Variants in CLEC4M observed in about 807,000 individuals in gnomAD.
CLEC4M encodes the protein C-type lectin domain family 4 member M, also known as CD209 antigen-like protein 1.
In CLEC4M, 25 loss-of-function variants were observed where a neutral mutation model predicts 39.1. The observed-to-expected ratio is 0.64, with a 90% CI of 0.47 to 0.89. The LOEUF (loss-of-function observed/expected upper bound fraction) is 0.89, where lower values mean the gene tolerates loss of function less well. CLEC4M is among the 40% of genes least tolerant of loss of function. The probability of loss-of-function intolerance (pLI) is 0.00; values close to 1 mark genes in which losing one functional copy is unlikely to be tolerated. For missense variants in CLEC4M, 353 were observed against 431.4 expected, an observed-to-expected ratio of 0.82 and a Z score of 1.61; for synonymous variants, 155 against 177.4, an observed-to-expected ratio of 0.87 and a Z score of 1.00.
At chr19:7,765,101 G>A in intron 2 of CLEC4M, 84 bp from the exon 3 acceptor site, 3 of 1,460,148 alleles carry the variant, frequency 2.1e-6, no homozygotes, top group Non-Finnish European at 2.9e-6. Flanking sequence ...CTGGGTCCTG[G>A]GGTGCTGAGG....
rs2034431113 is a variant in CLEC4M, at chr19:7,769,604, C to T, written c.*616C>T. ...AATAAAGTGGTAAATGTTGTAACTG[C>T]AGATCCAGCCTCATCTGATTCAACT... On this transcript the variant is annotated 3_prime_UTR_variant, in exon 7 of 7. Coordinates refer to ENST00000327325, the MANE Select transcript of CLEC4M (RefSeq NM_014257.5). 6.6e-6 allele frequency: 1 copy of T among 152,356 alleles called. No homozygotes were observed. Among genetic ancestry groups the T allele is most frequent in the South Asian group, 2.1e-4 (1 of 4,838 alleles). 9.4% of individuals were successfully genotyped at this position (152,356 alleles called of 1,614,324 possible). A position where few individuals can be genotyped will look rare whatever the true frequency, so the allele number is the denominator to read the frequency against.
chr19:7,767,211 A>G (rs1232623902), intron 5 of CLEC4M: 8 of 434,686 alleles, frequency 1.8e-5, no homozygotes, highest in South Asian at 7.7e-5. Context: ...AGTGGGTCCA[A>G]TGTGGCTCCA....
chr19:7,767,067 G>A (rs560634), intron 5 of CLEC4M: 36 of 563,904 alleles, frequency 6.4e-5, no homozygotes, highest in African/African-American at 1.5e-4. Context: ...CCAGCTCTCC[G>A]GAGAGAAAAT....
Position 7,768,995 on chromosome 19 carries a change from C to G in CLEC4M, c.*7C>G. 1 of 1,613,242 alleles carries G rather than the reference C, an allele frequency of 6.2e-7. No homozygotes were observed. Among genetic ancestry groups the G allele is most frequent in the South Asian group, 1.1e-5 (1 of 90,980 alleles). On this transcript the variant is annotated 3_prime_UTR_variant, in exon 7 of 7. Transcript: ENST00000327325. ...CTGCTTCAGAGACGAATAGTTGTTT[C>G]CCTGCTAGCCTCAGCCTCCATTGTG...
rs773762465 is a variant in CLEC4M at position 7,766,647 on chromosome 19, C to G, written c.785-9C>G. ...TCTGAGCCCAGCCCTGACCAGCCTC[C>G]CCCAACAGAACGCCTGTGCCGCCAC... On this transcript the variant is annotated splice_polypyrimidine_tract_variant and intron_variant, in intron 4 of 6. Coordinates refer to ENST00000327325, the MANE Select transcript of CLEC4M (RefSeq NM_014257.5). The G allele has an allele frequency of 6.2e-7, 1 of 1,614,216 alleles. No individual in the cohort carries two copies. The highest frequency in any genetic ancestry group is 8.5e-7 in the Non-Finnish European group (1 of 1,180,018).
At position 7,769,055 on chromosome 19, in the gene CLEC4M, C is replaced by T. The variant is rs2146366710; in HGVS notation, c.*67C>T. 2 of 1,485,362 alleles carry T rather than the reference C, an allele frequency of 1.3e-6. No homozygotes were observed. Among genetic ancestry groups the T allele is most frequent in the Non-Finnish European group, 1.8e-6 (2 of 1,098,670 alleles). 92.0% of individuals were successfully genotyped at this position (1,485,362 alleles called of 1,614,324 possible). A position where few individuals can be genotyped will look rare whatever the true frequency, so the allele number is the denominator to read the frequency against. ...AACTTCACCCACTTGTAAGCCAGCG[C>T]TTCTTCTCTCCATCCTTGGACCTTC... On this transcript the variant is annotated 3_prime_UTR_variant, in exon 7 of 7. Coordinates refer to ENST00000327325, the MANE Select transcript of CLEC4M (RefSeq NM_014257.5).
Position 7,769,053 on chromosome 19 carries a change from C to G in CLEC4M, c.*65C>G. 6.6e-7 allele frequency: 1 copy of G among 1,525,208 alleles called. No individual in the cohort carries two copies. The highest frequency in any genetic ancestry group is 9.0e-7 in the Non-Finnish European group (1 of 1,113,710). 94.5% of individuals were successfully genotyped at this position (1,525,208 alleles called of 1,614,324 possible). A position where few individuals can be genotyped will look rare whatever the true frequency, so the allele number is the denominator to read the frequency against. The stretch of plus-strand genomic sequence containing the variant: ...AGAACTTCACCCACTTGTAAGCCAG[C>G]GCTTCTTCTCTCCATCCTTGGACCT... On this transcript the variant is annotated 3_prime_UTR_variant, in exon 7 of 7. Transcript: ENST00000327325.
intron 3 of CLEC4M, 150 bp from the exon 4 acceptor site, chr19:7,765,488 G>A: frequency 7.4e-6 from 10 of 1,353,468 alleles, no homozygotes; most frequent in Middle Eastern, 1.9e-4. Flanking sequence ...GGCCTTCTGT[G>A]CTGCCTTCTC....
chr19:7,767,276 A>G, intron 5 of CLEC4M: 1 of 511,150 alleles, frequency 2.0e-6, no homozygotes, highest in Non-Finnish European at 3.5e-6. Flanking sequence ...ATAGATAAAC[A>G]TGCAGCATTC....
chr19:7,766,516 G>A, intron 4 of CLEC4M, 140 bp from the exon 5 acceptor site: 2 of 1,515,130 alleles, frequency 1.3e-6, no homozygotes, highest in Non-Finnish European at 1.8e-6. Context: ...GGAGAGGAAT[G>A]GTCTCTCCCC....
At chr19:7,767,388 G>A in intron 5 of CLEC4M, 128 bp from the exon 6 acceptor site, 1 of 664,374 alleles carries the variant, frequency 1.5e-6, no homozygotes, top group East Asian at 2.7e-5. Flanking sequence ...ACATGAGGAG[G>A]CTCAGGACCT....
Position 7,766,132 on chromosome 19 carries a change from G to T in CLEC4M, c.709G>T (p.Ala237Ser). 1 of 1,613,976 alleles carries T rather than the reference G, an allele frequency of 6.2e-7. No homozygotes were observed. Among genetic ancestry groups the T allele is most frequent in the Non-Finnish European group, 8.5e-7 (1 of 1,179,906 alleles). ...IYQELTQLKA[A>S]VGELPDQSKQ... ...CCAGGAGCTGACCCAGCTGAAGGCT[G>T]CAGTGGGTGAGTTGCCAGACCAGTC... Residue 237 changes from alanine to serine, a missense_variant, in exon 4 of 7, where the codon GCA (alanine) becomes TCA (serine). By Grantham distance (99) the Ala-to-Ser change is moderately conservative (BLOSUM62 1). Transcript: ENST00000327325.
In CLEC4M at chr19:7,767,505, C is replaced by G. The variant is rs763821106; in HGVS notation, c.937-11C>G. The G allele has an allele frequency of 3.0e-5, 48 of 1,608,434 alleles. No individual in the cohort carries two copies. The highest frequency in any genetic ancestry group is 1.3e-4 in the Admixed American group (8 of 59,980). ...GCAGAGCTCCCTCCTGACTCCTCCTCTACCCTCCAGAACTTCCTACAGCTG... is the reference window on the plus strand; with the variant it reads ...GCAGAGCTCCCTCCTGACTCCTCCTGTACCCTCCAGAACTTCCTACAGCTG... On this transcript the variant is annotated splice_polypyrimidine_tract_variant and intron_variant, in intron 5 of 6. Transcript: ENST00000327325.
chr19:7,766,406 T>C, intron 4 of CLEC4M, 199 bp downstream of exon 4: 1 of 1,457,432 alleles, frequency 6.9e-7, no homozygotes, highest in Non-Finnish European at 9.0e-7. Flanking sequence ...TCCGCTGCCT[T>C]CTGTTCTGAG....
At chr19:7,764,786 T>G (rs915177069) in intron 2 of CLEC4M, among the ~76,000 whole-genome samples, 2 of 152,232 alleles carry the variant, frequency 1.3e-5, no homozygotes, top group Non-Finnish European at 2.9e-5. Context: ...CCACCATGCC[T>G]GGCCAAAAAG....
At position 7,765,798 on chromosome 19, in the gene CLEC4M, G is replaced by A. The variant is rs1379942778; in HGVS notation, c.375G>A (p.Glu125=). The A allele has an allele frequency of 6.2e-7, 1 of 1,612,000 alleles. No homozygotes were observed. The highest frequency in any genetic ancestry group is 8.5e-7 in the Non-Finnish European group (1 of 1,178,916). ...CCCAGCTGAAGGCTGCAGTGGGTGA[G>A]TTGCCAGAGAAATCCAAGCTGCAGG... ...ELTQLKAAVG[E]LPEKSKLQEI... is the part of the protein sequence containing the mutation. Residue 125 remains glutamate, a synonymous_variant, in exon 4 of 7, where the codon GAG becomes GAA. Transcript: ENST00000327325.
intron 2 of CLEC4M, 27 bp from the exon 3 acceptor site, chr19:7,765,158 C>T (rs1451732204): frequency 1.9e-6 from 3 of 1,612,396 alleles, no homozygotes; most frequent in Admixed American, 1.7e-5. Flanking sequence ...GGAACACTGG[C>T]AGGCTGACGC....
Position 7,763,459 on chromosome 19 carries a change from G to A in CLEC4M, c.113G>A (p.Gly38Asp), listed in dbSNP as rs1054434492. The A allele has an allele frequency of 3.1e-6, 5 of 1,613,992 alleles. No homozygotes were observed. The highest frequency in any genetic ancestry group is 1.7e-4 in the Middle Eastern group (1 of 6,058). ...PRDFQFQQIHGHKSSTGCLGH... is the reference protein window; with the variant it reads ...PRDFQFQQIHDHKSSTGCLGH... ...GACTTTCAATTCCAGCAGATACATG[G>A]CCACAAGAGCTCTACAGGTAGGCAA... The change falls in exon 2 of 7, where the codon GGC (glycine) becomes GAC (aspartate). Residue 38 changes from glycine (G) to aspartate (D), a missense_variant. By Grantham distance (94) the Gly-to-Asp change is moderately conservative. Coordinates refer to ENST00000327325, the MANE Select transcript of CLEC4M (RefSeq NM_014257.5).
At chr19:7,764,845 T>C (rs757147794) in intron 2 of CLEC4M, among the ~76,000 whole-genome samples, 10 of 152,284 alleles carry the variant, frequency 6.6e-5, no homozygotes, top group Non-Finnish European at 1.2e-4. Context: ...TCAGGGGGAA[T>C]TGGGTTTTCT....
Sources: gnomAD v4.1 joint callset for allele counts (sites outside exome capture counted in the v4.1 genomes callset) on GRCh38, gnomAD v4.1.1 for gene constraint, MANE v1.5 for transcripts, NCBI Gene and HGNC (gene_info 2026-07-23, HGNC 2026-07-21) for gene names.